Variants in DCC observed in about 807,000 individuals in gnomAD.
DCC encodes netrin receptor DCC.
A neutral mutation model predicts 172.5 loss-of-function variants in DCC; 58 were observed. The ratio of observed to expected loss-of-function variants is 0.34; its 90% CI spans 0.27 to 0.42. DCC has a LOEUF of 0.42. DCC is among the 10% of genes least tolerant of loss of function. The pLI is 1.00. For synonymous variants in DCC, 709 were observed against 644.5 expected (o/e 1.10, Z -1.52); for missense variants, 1,740 against 1,791.0 (o/e 0.97, Z 0.51).
intron 2 of DCC, among the ~76,000 whole-genome samples, chr18:52,796,839 A>C (rs186492610): frequency 9.9e-5 from 15 of 152,268 alleles, no homozygotes; most frequent in Admixed American, 9.2e-4. Context: ...AGCTTCATCT[A>C]TCTAGATGTC....
chr18:53,180,478 A>C (rs1169969602), intron 9 of DCC, among the ~76,000 whole-genome samples: 1 of 152,168 alleles, frequency 6.6e-6, no homozygotes, highest in Non-Finnish European at 1.5e-5. Context: ...ATTGTTAAAA[A>C]TTATTAAGAT....
intron 1 of DCC, among the ~76,000 whole-genome samples, chr18:52,517,259 T>C (rs897081433): frequency 5.9e-5 from 9 of 152,248 alleles, no homozygotes; most frequent in African/African-American, 1.7e-4. Flanking sequence ...CATTTTCATC[T>C]TGAACACTAA....
At chr18:53,353,983 A>G (rs575814743) in intron 15 of DCC, among the ~76,000 whole-genome samples, 12 of 152,082 alleles carry the variant, frequency 7.9e-5, no homozygotes, top group East Asian at 3.9e-4. Flanking sequence ...TCGTTGTTCA[A>G]TTCCCACCTA....
intron 5 of DCC, among the ~76,000 whole-genome samples, chr18:52,976,269 T>C (rs566385923): frequency 2.0e-5 from 3 of 152,336 alleles, no homozygotes; most frequent in Admixed American, 6.5e-5. Context: ...ATGCATCATT[T>C]GCACAAGTTT....
At position 52,815,964 on chromosome 18, in the gene DCC, G is replaced by A. The variant is rs927944784; in HGVS notation, c.412+63590G>A. 3.9e-5 allele frequency among the ~76,000 whole-genome samples: 6 copies of A among 152,230 alleles called. No homozygotes were observed. In the South Asian group the frequency reaches 1.0e-3, roughly 26 times the overall value. On this transcript the variant is annotated intron_variant, in intron 2 of 28. Coordinates refer to ENST00000442544, the MANE Select transcript of DCC (RefSeq NM_005215.4). Reference sequence around the variant, plus strand: ...ATTAGGCTACAGATAGTGACCTAACGTAACAAAAAAGAGATAAACCAACCA... The same window carrying A: ...ATTAGGCTACAGATAGTGACCTAACATAACAAAAAAGAGATAAACCAACCA...
chr18:53,187,125 T>C (rs1324111640), intron 9 of DCC, among the ~76,000 whole-genome samples: 2 of 119,640 alleles, frequency 1.7e-5, no homozygotes, highest in East Asian at 4.0e-4. Context: ...TCTCTTTTTT[T>C]TTTCTTTTTT....
chr18:52,479,443 A>G (rs1989189576), intron 1 of DCC, among the ~76,000 whole-genome samples: 1 of 151,910 alleles, frequency 6.6e-6, no homozygotes, highest in African/African-American at 2.4e-5. Flanking sequence ...TTTGTTTGTG[A>G]ATGGTTTTGG....
At position 52,829,170 on chromosome 18, in the gene DCC, C is replaced by T. The variant is rs186566339; in HGVS notation, c.412+76796C>T. On this transcript the variant is annotated intron_variant, in intron 2 of 28. Transcript: ENST00000442544. ...ATACAGAAATGAAAACCTCAGAAGC[C>T]CAGAAACATAACATTACATTTGAGC... Among the ~76,000 whole-genome samples, 15 of 152,194 alleles carry T rather than the reference C, an allele frequency of 9.9e-5. No homozygotes were observed. In the East Asian group the frequency reaches 2.9e-3, roughly 29 times the overall value.
chr18:52,495,591 A>G (rs545266992), intron 1 of DCC, among the ~76,000 whole-genome samples: 1 of 152,256 alleles, frequency 6.6e-6, no homozygotes, highest in African/African-American at 2.4e-5. Context: ...GGCAGAAACC[A>G]TGGTTTGCTA....
At chr18:52,706,108 T>C (rs979218223) in intron 1 of DCC, among the ~76,000 whole-genome samples, 1 of 152,162 alleles carries the variant, frequency 6.6e-6, no homozygotes, top group Non-Finnish European at 1.5e-5. Context: ...GATGAGACTC[T>C]GTGTTATTCA....
At chr18:52,539,891 AAAC>A (rs1206520410) in intron 1 of DCC, among the ~76,000 whole-genome samples, 7 of 152,190 alleles carry the variant, frequency 4.6e-5, no homozygotes, top group African/African-American at 1.4e-4. Flanking sequence ...AATTAAAAAT[AAAC>A]AACAACAACA....
intron 7 of DCC, among the ~76,000 whole-genome samples, chr18:53,099,961 G>T (rs55673709): frequency 0.68 from 64,475 of 94,902 alleles, 19,976 homozygotes; most frequent in African/African-American, 0.79. Context: ...TTTTTTTTTT[G>T]TTTGAGACAG....
At chr18:53,360,420 G>T (rs891271590) in intron 15 of DCC, among the ~76,000 whole-genome samples, 2 of 152,000 alleles carry the variant, frequency 1.3e-5, no homozygotes, top group Non-Finnish European at 2.9e-5. Context: ...GGTATATACA[G>T]CCCAATTCTT....
At chr18:53,043,683 T>G (rs1218722936) in intron 5 of DCC, among the ~76,000 whole-genome samples, 1 of 151,940 alleles carries the variant, frequency 6.6e-6, no homozygotes, top group African/African-American at 2.4e-5. Flanking sequence ...ATTTCAAAGA[T>G]GACTTTAAGA....
intron 1 of DCC, among the ~76,000 whole-genome samples, chr18:52,468,333 G>A (rs1212972446): frequency 6.6e-6 from 1 of 152,226 alleles, no homozygotes; most frequent in Non-Finnish European, 1.5e-5. Flanking sequence ...AAAGATTGAT[G>A]TTGGTAGAGC....
At chr18:52,965,344 T>G (rs1260267182) in intron 5 of DCC, among the ~76,000 whole-genome samples, 6 of 152,148 alleles carry the variant, frequency 3.9e-5, no homozygotes, top group Admixed American at 3.9e-4. Flanking sequence ...TGCTTGATTT[T>G]TTTTTTCTTA....
chr18:53,008,018 GAT>G (rs1328581155), intron 5 of DCC, among the ~76,000 whole-genome samples: 2 of 152,094 alleles, frequency 1.3e-5, no homozygotes, highest in Non-Finnish European at 2.9e-5. Context: ...GGATGAGAGA[GAT>G]TTTACTATTC....
At chr18:52,842,990 T>G (rs972643030) in intron 2 of DCC, among the ~76,000 whole-genome samples, 1 of 152,146 alleles carries the variant, frequency 6.6e-6, no homozygotes, top group African/African-American at 2.4e-5. Context: ...TTTAGGTGCT[T>G]TTTAGATTTC....
chr18:52,841,911 C>G (rs761622289), intron 2 of DCC, among the ~76,000 whole-genome samples: 6 of 152,044 alleles, frequency 3.9e-5, no homozygotes, highest in Non-Finnish European at 8.8e-5. Context: ...CATGTTAATA[C>G]TATAACTGAC....
Sources: gnomAD v4.1 joint callset for allele counts (sites outside exome capture counted in the v4.1 genomes callset) on GRCh38, gnomAD v4.1.1 for gene constraint, MANE v1.5 for transcripts, NCBI Gene and HGNC (gene_info 2026-07-23, HGNC 2026-07-21) for gene names.